BRIP1: variants seen among roughly 807,000 people sequenced by gnomAD.
BRIP1 encodes Fanconi anemia group J protein.
In BRIP1, 88 loss-of-function variants were observed where a neutral mutation model predicts 119.7. The observed-to-expected ratio is 0.74, with a 90% confidence interval of 0.62 to 0.88. The LOEUF is 0.88. Ranked by LOEUF, BRIP1 falls within the 40% of genes least tolerant of loss-of-function variation. The pLI is 0.00. For missense variants in BRIP1, 1,259 were observed against 1,455.4 expected (o/e 0.87, Z 2.20); for synonymous variants, 443 against 496.5 (o/e 0.89, Z 1.43).
Position 61,849,269 on chromosome 17 carries a change from A to G in BRIP1, c.380-13T>C. 1 of 1,606,534 alleles carries G rather than the reference A, an allele frequency of 6.2e-7. No homozygotes were observed. The highest frequency in any genetic ancestry group is 1.3e-5 in the African/African-American group (1 of 74,628). On this transcript the variant is annotated splice_polypyrimidine_tract_variant and intron_variant, in intron 4 of 19. Transcript: ENST00000259008. ...TTTTCAGGGGAGTCTTATATAAGTA[A>G]TTTAAAAAAAACAGCATAAATAACT...
intron 16 of BRIP1, among the ~76,000 whole-genome samples, chr17:61,716,722 C>G (rs1219775363): frequency 8.8e-5 from 5 of 56,706 alleles, no homozygotes; most frequent in South Asian, 3.9e-4. Flanking sequence ...CCCTACCCCC[C>G]CAATCTGTAC....
chr17:61,786,990 A>T (rs1167070829), intron 10 of BRIP1, among the ~76,000 whole-genome samples: 1 of 104,038 alleles, frequency 9.6e-6, no homozygotes. Context: ...ATTTATATAA[A>T]TTTATAAATA....
intron 17 of BRIP1, among the ~76,000 whole-genome samples, chr17:61,712,830 G>A (rs2061799505): frequency 6.6e-6 from 1 of 151,450 alleles, no homozygotes; most frequent in South Asian, 2.1e-4. Flanking sequence ...CTTGAACGCA[G>A]GAGGCAGAGG....
rs1192628301 is a variant in BRIP1, at chr17:61,860,854, A to C, written c.93+593T>G. On this transcript the variant is annotated intron_variant, in intron 2 of 19. Coordinates refer to ENST00000259008, the MANE Select transcript of BRIP1 (RefSeq NM_032043.3). This position sits in a 1 kb window ranked among gnomAD's most constrained non-coding sequence, Gnocchi z 4.1. ...ATTAAAAATAATGCTAAGTTAAAAA[A>C]CTCAAGTTCTGCATAAAAAGTAAGG... is the stretch of plus-strand genomic sequence containing the variant. Among the ~76,000 whole-genome samples, 5 of 152,120 alleles carry C rather than the reference A, an allele frequency of 3.3e-5. No homozygotes were observed. In the East Asian group the frequency reaches 5.8e-4, roughly 18 times the overall value.
At position 61,807,357 on chromosome 17, in the gene BRIP1, A is replaced by G. The variant is rs1429707806; in HGVS notation, c.918+1110T>C. Among the ~76,000 whole-genome samples the G allele has an allele frequency of 2.5e-4, 38 of 152,200 alleles. No homozygotes were observed. Among genetic ancestry groups the G allele is most frequent in the Admixed American group, 2.4e-3 (37 of 15,282 alleles). On this transcript the variant is annotated intron_variant, in intron 7 of 19. Coordinates refer to ENST00000259008, the MANE Select transcript of BRIP1 (RefSeq NM_032043.3). This position sits in a 1 kb window ranked among gnomAD's most constrained non-coding sequence, Gnocchi z 4.5. ...TAAATATGACTGTAGGATTTCAACA[A>G]TGACTTTGATTCAGTAATTCTGTAT...
chr17:61,689,733 G>A lies in BRIP1; in HGVS notation c.2576-3568C>T, dbSNP rs992316040. ...AGTCCCATAAGACAGTCACTAGGCC[G>A]GGCATGAAGGCTCATGCCTATAATC... On this transcript the variant is annotated intron_variant, in intron 18 of 19. Coordinates refer to ENST00000259008, the MANE Select transcript of BRIP1 (RefSeq NM_032043.3). This position sits in a 1 kb window ranked among gnomAD's most constrained non-coding sequence, Gnocchi z 4.5. Among the ~76,000 whole-genome samples the A allele has an allele frequency of 9.2e-5, 14 of 152,280 alleles. No homozygotes were observed. The East Asian group carries it at 1.4e-3, about 15-fold the overall frequency.
Position 61,746,541 on chromosome 17 carries a change from T to G in BRIP1, c.2098-1950A>C, listed in dbSNP as rs578124844. Among the ~76,000 whole-genome samples, 2 of 152,168 alleles carry G rather than the reference T, an allele frequency of 1.3e-5. No individual in the cohort carries two copies. Among genetic ancestry groups the G allele is most frequent in the South Asian group, 4.1e-4 (2 of 4,822 alleles). ...AACCAAAAGACAGCAGAGGTGGCAA[T>G]TCTAAGATACTAAATAGATTCTAAG... On this transcript the variant is annotated intron_variant, in intron 14 of 19. Coordinates refer to ENST00000259008, the MANE Select transcript of BRIP1 (RefSeq NM_032043.3). This position sits in a 1 kb window ranked among gnomAD's most constrained non-coding sequence, Gnocchi z 4.9.
At chr17:61,777,544 C>T (rs369272225) in intron 13 of BRIP1, among the ~76,000 whole-genome samples, 16 of 152,262 alleles carry the variant, frequency 1.1e-4, no homozygotes, top group African/African-American at 3.6e-4. Flanking sequence ...AGCTAGAAAT[C>T]GGGCATCCCA....
Position 61,857,017 on chromosome 17 carries a change from T to C in BRIP1, c.379+41A>G, listed in dbSNP as rs1467879955. On this transcript the variant is annotated intron_variant, in intron 4 of 19. Coordinates refer to ENST00000259008, the MANE Select transcript of BRIP1 (RefSeq NM_032043.3). The surrounding 1 kb of genome is among the most constrained non-coding windows in gnomAD (Gnocchi z 5.1). ...CTTATAACAGTAATAATTAAGACTC[T>C]TATTACAGATATCAACTGACCCAGG... 6.3e-7 allele frequency: 1 copy of C among 1,574,966 alleles called. No individual in the cohort carries two copies. The highest frequency in any genetic ancestry group is 1.1e-5 in the South Asian group (1 of 90,272).
chr17:61,818,178 C>A (rs190421385), intron 6 of BRIP1, among the ~76,000 whole-genome samples: 70 of 142,212 alleles, frequency 4.9e-4, no homozygotes, highest in African/African-American at 1.8e-3. Context: ...CATGGCAAGA[C>A]CTCATCTCTA....
rs1279946583 is a variant in BRIP1 at position 61,742,417 on chromosome 17, G to A, written c.2379+596C>T. Among the ~76,000 whole-genome samples, 1 of 152,170 alleles carries A rather than the reference G, an allele frequency of 6.6e-6. No individual in the cohort carries two copies. Among genetic ancestry groups the A allele is most frequent in the East Asian group, 1.9e-4 (1 of 5,196 alleles). On this transcript the variant is annotated intron_variant, in intron 16 of 19. Coordinates refer to ENST00000259008, the MANE Select transcript of BRIP1 (RefSeq NM_032043.3). This position sits in a 1 kb window ranked among gnomAD's most constrained non-coding sequence, Gnocchi z 4.7. Reference sequence around the variant, plus strand: ...TTCACAATATGGCTAATTGGTTGGTGCAAGAGGCCTAGCTTTTGTCTTGTC... The same window carrying A: ...TTCACAATATGGCTAATTGGTTGGTACAAGAGGCCTAGCTTTTGTCTTGTC...
Position 61,730,348 on chromosome 17 carries a change from T to C in BRIP1, c.2379+12665A>G, listed in dbSNP as rs2076828252. Among the ~76,000 whole-genome samples, 1 of 152,214 alleles carries C rather than the reference T, an allele frequency of 6.6e-6. No individual in the cohort carries two copies. The highest frequency in any genetic ancestry group is 1.9e-4 in the East Asian group (1 of 5,206). On this transcript the variant is annotated intron_variant, in intron 16 of 19. Transcript: ENST00000259008. This position sits in a 1 kb window ranked among gnomAD's most constrained non-coding sequence, Gnocchi z 4.3. The stretch of plus-strand genomic sequence containing the variant: ...AGAGAATTTGACTGAATAAACTGAT[T>C]AAAATTCACAACTAAAATTCTCCTC...
chr17:61,690,214 A>C lies in BRIP1; in HGVS notation c.2575+3216T>G, dbSNP rs946535498. 5.3e-5 allele frequency among the ~76,000 whole-genome samples: 8 copies of C among 152,220 alleles called. No individual in the cohort carries two copies. The highest frequency in any genetic ancestry group is 1.9e-4 in the African/African-American group (8 of 41,456). ...AAACGTGCCTTACAAGATATGCTAA[A>C]GGAAGCCTGCTAAACAGCAACACAA... On this transcript the variant is annotated intron_variant, in intron 18 of 19. Transcript: ENST00000259008. The surrounding 1 kb of genome is among the most constrained non-coding windows in gnomAD (Gnocchi z 5.6).
At chr17:61,782,313 G>A (rs2077634340) in intron 11 of BRIP1, among the ~76,000 whole-genome samples, 1 of 151,130 alleles carries the variant, frequency 6.6e-6, no homozygotes, top group African/African-American at 2.4e-5. Flanking sequence ...ATGAACCCGG[G>A]AGGCTGAGCT....
In BRIP1 at chr17:61,826,797, C is replaced by T. The variant is rs527281834; in HGVS notation, c.628-18040G>A. Among the ~76,000 whole-genome samples the T allele has an allele frequency of 8.1e-5, 10 of 123,962 alleles. No individual in the cohort carries two copies. The South Asian group carries it at 2.5e-3, about 32-fold the overall frequency. 81.3% of individuals were successfully genotyped at this position (123,962 alleles called of 152,430 possible). On this transcript the variant is annotated intron_variant, in intron 6 of 19. Transcript: ENST00000259008. ...GTTGCAGAGAAAAAGGAAAAAGGAACACTTGCACACTACTGGTAAGAATGT... is the reference window on the plus strand; with the variant it reads ...GTTGCAGAGAAAAAGGAAAAAGGAATACTTGCACACTACTGGTAAGAATGT...
rs1291306526 is a variant in BRIP1, at chr17:61,722,989, G to T, written c.2380-6926C>A. On this transcript the variant is annotated intron_variant, in intron 16 of 19. Transcript: ENST00000259008. The surrounding 1 kb of genome is among the most constrained non-coding windows in gnomAD (Gnocchi z 4.6). Reference sequence around the variant, plus strand: ...AACCCTGAAATGAACTGTATATAAAGGTTAACTTTGAAATAGTTCTTATTA... The same window carrying T: ...AACCCTGAAATGAACTGTATATAAATGTTAACTTTGAAATAGTTCTTATTA... Among the ~76,000 whole-genome samples the T allele has an allele frequency of 1.3e-5, 2 of 151,796 alleles. No homozygotes were observed. The highest frequency in any genetic ancestry group is 2.9e-5 in the Non-Finnish European group (2 of 67,938).
intron 14 of BRIP1, among the ~76,000 whole-genome samples, chr17:61,749,294 T>C (rs140059477): frequency 6.6e-6 from 1 of 151,480 alleles, no homozygotes; most frequent in Non-Finnish European, 1.5e-5. Flanking sequence ...AAAAGGTTTC[T>C]GCAAAGTAAA....
At chr17:61,786,462 T>C (rs1352289758) in intron 10 of BRIP1, among the ~76,000 whole-genome samples, 3 of 151,764 alleles carry the variant, frequency 2.0e-5, no homozygotes, top group Non-Finnish European at 4.4e-5. Context: ...ACTGACTCTT[T>C]ATATTCTATA....
rs1298414842 is a variant in BRIP1 at position 61,706,623 on chromosome 17, T to G, written c.2492+9328A>C. ...ACTACTACTTCTTGGTTTTTGAACT[T>G]TAGAACTTACGTACTGATTCTCTCC... is the stretch of plus-strand genomic sequence containing the variant. On this transcript the variant is annotated intron_variant, in intron 17 of 19. Transcript: ENST00000259008. This position sits in a 1 kb window ranked among gnomAD's most constrained non-coding sequence, Gnocchi z 5.7. Among the ~76,000 whole-genome samples the G allele has an allele frequency of 6.6e-6, 1 of 152,168 alleles. No homozygotes were observed. The highest frequency in any genetic ancestry group is 1.5e-5 in the Non-Finnish European group (1 of 68,016).
Sources: gnomAD v4.1 joint callset for allele counts (sites outside exome capture counted in the v4.1 genomes callset) on GRCh38, gnomAD v4.1.1 for gene constraint, Gnocchi (gnomAD v3.1) non-coding constraint, MANE v1.5 for transcripts, NCBI Gene and HGNC (gene_info 2026-07-23, HGNC 2026-07-21) for gene names.